The following NDUFAF2 variants were observed in gnomAD, a reference collection of about 807,000 sequenced individuals.
The protein encoded by NDUFAF2 is NADH:ubiquinone oxidoreductase complex assembly factor 2.
A neutral mutation model predicts 22.8 loss-of-function variants in NDUFAF2; 13 were observed. That is an observed-to-expected ratio of 0.57 (90% CI 0.37 to 0.91). The LOEUF (loss-of-function observed/expected upper bound fraction) is 0.91, where lower values mean the gene tolerates loss of function less well. Among genes scored for constraint, NDUFAF2 ranks in the 40% least tolerant of loss-of-function variants. The pLI is 0.01. For synonymous variants in NDUFAF2, 53 were observed against 64.2 expected, an observed-to-expected ratio of 0.83 and a Z score of 0.84; for missense variants, 162 against 195.2, an observed-to-expected ratio of 0.83 and a Z score of 1.01.
At position 61,011,867 on chromosome 5, in the gene NDUFAF2, G is replaced by C. The variant is rs563166778; in HGVS notation, c.128-61258G>C. ...GGCACATTAAATAGGTGTTTAGTATGTTCTCTTTTTTAAAAAAAATAAATT... is the reference window on the plus strand; with the variant it reads ...GGCACATTAAATAGGTGTTTAGTATCTTCTCTTTTTTAAAAAAAATAAATT... On this transcript the variant is annotated intron_variant, in intron 1 of 3. Transcript: ENST00000296597. 4.2e-4 allele frequency among the ~76,000 whole-genome samples: 64 copies of C among 151,940 alleles called. 1 individual carries two copies. Among genetic ancestry groups the C allele is most frequent in the Non-Finnish European group, 8.4e-4 (57 of 67,962 alleles).
At chr5:61,063,336 A>C (rs1752189157) in intron 1 of NDUFAF2, among the ~76,000 whole-genome samples, 1 of 92,728 alleles carries the variant, frequency 1.1e-5, no homozygotes, top group African/African-American at 3.3e-5. Context: ...TGTATCTTCA[A>C]AAAAGTTAAA....
At chr5:60,947,423 T>A (rs1350823858) in intron 1 of NDUFAF2, among the ~76,000 whole-genome samples, 2 of 152,224 alleles carry the variant, frequency 1.3e-5, no homozygotes, top group Non-Finnish European at 2.9e-5. Context: ...GCTTATTTAC[T>A]ATCTACAGAT....
chr5:61,073,675 A>T (rs1196292299), intron 2 of NDUFAF2, among the ~76,000 whole-genome samples: 1 of 152,204 alleles, frequency 6.6e-6, no homozygotes, highest in Non-Finnish European at 1.5e-5. Flanking sequence ...ACTCACAATA[A>T]CTCTATGATA....
intron 3 of NDUFAF2, among the ~76,000 whole-genome samples, chr5:61,123,603 G>A (rs937660052): frequency 6.6e-6 from 1 of 152,128 alleles, no homozygotes; most frequent in Non-Finnish European, 1.5e-5. Context: ...CGTAGTGCAC[G>A]TTGATCCTAC....
intron 1 of NDUFAF2, among the ~76,000 whole-genome samples, chr5:60,964,017 G>T (rs1750723410): frequency 6.6e-6 from 1 of 152,114 alleles, no homozygotes; most frequent in Non-Finnish European, 1.5e-5. Flanking sequence ...TAGCAAAGGA[G>T]TTACATAATC....
Position 60,977,532 on chromosome 5 carries a change from A to G in NDUFAF2, c.127+32150A>G, listed in dbSNP as rs142548219. Among the ~76,000 whole-genome samples, 30 of 152,184 alleles carry G rather than the reference A, an allele frequency of 2.0e-4. No individual in the cohort carries two copies. In the East Asian group the frequency reaches 5.8e-3, roughly 30 times the overall value. ...ATTATGAGCAGAGAGGAGGCAGAGC[A>G]AAATGGCTGAATAGAAGCCACCAGG... On this transcript the variant is annotated intron_variant, in intron 1 of 3. Coordinates refer to ENST00000296597, the MANE Select transcript of NDUFAF2 (RefSeq NM_174889.5).
At chr5:61,132,219 C>G (rs1249099374) in intron 3 of NDUFAF2, among the ~76,000 whole-genome samples, 2 of 152,162 alleles carry the variant, frequency 1.3e-5, no homozygotes, top group African/African-American at 4.8e-5. Context: ...TTGGTCCCTG[C>G]CATCTCTCGA....
intron 1 of NDUFAF2, among the ~76,000 whole-genome samples, chr5:60,977,615 C>G (rs1254748452): frequency 6.6e-6 from 1 of 151,694 alleles, no homozygotes; most frequent in Non-Finnish European, 1.5e-5. Flanking sequence ...GTGAGCAGAT[C>G]ACCTGAGGCC....
chr5:61,059,684 G>C lies in NDUFAF2; in HGVS notation c.128-13441G>C, dbSNP rs185932748. 1.1e-3 allele frequency among the ~76,000 whole-genome samples: 163 copies of C among 152,128 alleles called. 2 individuals carry two copies. The East Asian group carries it at 0.017, about 16-fold the overall frequency. ...AGTTGAGATTCCTTATAGGACACTT[G>C]TAAATATGAGGAAGCTAATAAGATT... On this transcript the variant is annotated intron_variant, in intron 1 of 3. Coordinates refer to ENST00000296597, the MANE Select transcript of NDUFAF2 (RefSeq NM_174889.5).
intron 1 of NDUFAF2, among the ~76,000 whole-genome samples, chr5:60,997,538 A>G (rs1392901780): frequency 6.6e-6 from 1 of 152,228 alleles, no homozygotes; most frequent in East Asian, 1.9e-4. Context: ...CTCTCTTTGT[A>G]TAACATACCT....
intron 2 of NDUFAF2, among the ~76,000 whole-genome samples, chr5:61,082,712 T>G (rs1752458610): frequency 6.6e-6 from 1 of 152,210 alleles, no homozygotes; most frequent in African/African-American, 2.4e-5. Context: ...CATCCTTTCT[T>G]ATGGCTGCAT....
intron 1 of NDUFAF2, among the ~76,000 whole-genome samples, chr5:61,001,143 C>G (rs1380907123): frequency 6.6e-6 from 1 of 152,098 alleles, no homozygotes; most frequent in African/African-American, 2.4e-5. Flanking sequence ...AGGGAGCCAA[C>G]TTGAGTTCCC....
At chr5:61,074,241 C>T (rs1279886965) in intron 2 of NDUFAF2, among the ~76,000 whole-genome samples, 3 of 152,068 alleles carry the variant, frequency 2.0e-5, no homozygotes, top group Non-Finnish European at 4.4e-5. Context: ...CATCTGAGGC[C>T]AGGAGTTCAA....
chr5:61,120,084 T>C (rs1175813403), intron 3 of NDUFAF2, among the ~76,000 whole-genome samples: 1 of 152,172 alleles, frequency 6.6e-6, no homozygotes, highest in Non-Finnish European at 1.5e-5. Context: ...CTGTTTTTAC[T>C]TAACTACCGT....
At chr5:61,099,618 T>C (rs1469510457) in intron 3 of NDUFAF2, among the ~76,000 whole-genome samples, 2 of 151,536 alleles carry the variant, frequency 1.3e-5, no homozygotes, top group African/African-American at 2.4e-5. Flanking sequence ...TATATATGTT[T>C]TACAATATAA....
chr5:61,122,701 G>T (rs1238368560), intron 3 of NDUFAF2, among the ~76,000 whole-genome samples: 1 of 152,072 alleles, frequency 6.6e-6, no homozygotes, highest in African/African-American at 2.4e-5. Flanking sequence ...ACTTTCTTCT[G>T]TAGTCCAAGA....
chr5:61,043,115 G>A (rs1310044928), intron 1 of NDUFAF2, among the ~76,000 whole-genome samples: 2 of 152,148 alleles, frequency 1.3e-5, no homozygotes, highest in Non-Finnish European at 2.9e-5. Context: ...AGGTACCCAG[G>A]AGGCTGAGGC....
At chr5:61,122,643 C>T (rs530483852) in intron 3 of NDUFAF2, among the ~76,000 whole-genome samples, 1 of 152,262 alleles carries the variant, frequency 6.6e-6, no homozygotes, top group South Asian at 2.1e-4. Flanking sequence ...CCTCTGTTTT[C>T]TCATCATAAT....
At position 61,067,396 on chromosome 5, in the gene NDUFAF2, G is replaced by A. The variant is rs186732284; in HGVS notation, c.128-5729G>A. Reference sequence around the variant, plus strand: ...CATTGTTCAATTCCCACCTATGAGTGAGAACATGTGGTGTTTGGTTTTTTG... The same window carrying A: ...CATTGTTCAATTCCCACCTATGAGTAAGAACATGTGGTGTTTGGTTTTTTG... On this transcript the variant is annotated intron_variant, in intron 1 of 3. Coordinates refer to ENST00000296597, the MANE Select transcript of NDUFAF2 (RefSeq NM_174889.5). 7.0e-3 allele frequency among the ~76,000 whole-genome samples: 1,049 copies of A among 149,064 alleles called. 1 individual carries two copies. Among genetic ancestry groups the A allele is most frequent in the Middle Eastern group, 0.01 (3 of 286 alleles).
Sources: gnomAD v4.1 joint callset for allele counts (sites outside exome capture counted in the v4.1 genomes callset) on GRCh38, gnomAD v4.1.1 for gene constraint, MANE v1.5 for transcripts, NCBI Gene and HGNC (gene_info 2026-07-23, HGNC 2026-07-21) for gene names.